TNC: variants seen among roughly 807,000 people sequenced by gnomAD.
The protein encoded by TNC is tenascin.
Under a neutral mutation model 202.4 loss-of-function variants are expected in TNC, and 109 were observed. The observed-to-expected ratio is 0.54, with a 90% CI of 0.46 to 0.63. The LOEUF (loss-of-function observed/expected upper bound fraction) is 0.63, where lower values mean the gene tolerates loss of function less well. Among genes scored for constraint, TNC ranks in the 30% least tolerant of loss-of-function variants. The probability of loss-of-function intolerance (pLI) is 0.00; values close to 1 mark genes in which losing one functional copy is unlikely to be tolerated. For missense variants in TNC, 2,756 were observed against 2,833.3 expected (o/e 0.97, Z 0.62); for synonymous variants, 1,007 against 1,089.7 (o/e 0.92, Z 1.50).
chr9:115,062,413 G>A (rs1057301190), intron 13 of TNC, among the ~76,000 whole-genome samples: 3 of 151,892 alleles, frequency 2.0e-5, no homozygotes, highest in African/African-American at 7.3e-5. Flanking sequence ...TTGAGACCAG[G>A]CTGGGCAAAA....
chr9:115,052,741 TG>T (rs2132307386), intron 15 of TNC: 1 of 701,760 alleles, frequency 1.4e-6, no homozygotes, highest in Non-Finnish European at 2.6e-6. Context: ...ATTGAGTACC[TG>T]TAATGACAAA....
rs1005622329 is a variant in TNC at position 115,096,302 on chromosome 9, C to T, written c.-136-5148G>A. ...TCGAAGTGCTCTGTCCCATATTCCG[C>T]ATGTGATTATTAAAATTAATGAAAA... On this transcript the variant is annotated intron_variant, in intron 1 of 27. Transcript: ENST00000350763. Among the ~76,000 whole-genome samples the T allele has an allele frequency of 2.6e-5, 4 of 152,128 alleles. No homozygotes were observed. In the East Asian group the frequency reaches 7.7e-4, roughly 29 times the overall value.
At chr9:115,026,961 T>G (rs1478919584) in intron 25 of TNC, among the ~76,000 whole-genome samples, 2 of 151,544 alleles carry the variant, frequency 1.3e-5, no homozygotes, top group Non-Finnish European at 2.9e-5. Context: ...ATACAAAAAT[T>G]AGCTGGGTGT....
chr9:115,087,628 C>T (rs995055133), intron 2 of TNC, among the ~76,000 whole-genome samples: 2 of 150,098 alleles, frequency 1.3e-5, no homozygotes, highest in African/African-American at 4.9e-5. Context: ...CTTACTATTC[C>T]TATGATGATT....
chr9:115,065,377 T>C (rs982530367), intron 10 of TNC, among the ~76,000 whole-genome samples: 4 of 152,160 alleles, frequency 2.6e-5, no homozygotes, highest in Admixed American at 1.3e-4. Flanking sequence ...GTCTGGGGGA[T>C]AGAGTGAGAC....
rs758817254 is a variant in TNC at position 115,090,746 on chromosome 9, T to C, written c.273A>G (p.Thr91=). 4.3e-6 allele frequency: 7 copies of C among 1,614,110 alleles called. No homozygotes were observed. The African/African-American group carries it at 6.7e-5, about 15-fold the overall frequency. The change falls in exon 2 of 28, where the codon ACA becomes ACG. Residue 91 remains threonine (T), a synonymous_variant. Transcript: ENST00000350763. The part of the protein sequence containing the change: ...SEPSESFQEH[T]VDGENQIVFT... ...AGACAATCTGGTTTTCCCCATCCAC[T>C]GTGTGCTCCTGAAAGCTTTCGCTGG... is the stretch of plus-strand genomic sequence containing the variant.
intron 1 of TNC, among the ~76,000 whole-genome samples, chr9:115,099,451 CT>C (rs940120373): frequency 2.0e-5 from 3 of 152,208 alleles, no homozygotes; most frequent in Admixed American, 2.0e-4. Flanking sequence ...ACTGTTAGAT[CT>C]TTACTCTGCC....
rs757156161 is a variant in TNC, at chr9:115,063,801, A to G, written c.3755T>C (p.Leu1252Ser). ...AGTGAATTCGTCTAGAATACCTGTC[A>G]AGACTTCAACAGAGAGAGGGGTTGT... ...FSTTPLSVEV[L>S]TEEVPDMGNL... Residue 1252 changes from leucine to serine, a missense_variant, in exon 12 of 28, where the codon TTG (leucine) becomes TCG (serine). This residue lies in a region of TNC where 2,559 missense variants were observed against 2,546.0 expected (regional missense o/e 1.01). Transcript: ENST00000350763. 5.6e-6 allele frequency: 9 copies of G among 1,610,458 alleles called. No homozygotes were observed. The East Asian group carries it at 2.0e-4, about 36-fold the overall frequency.
Position 115,086,574 on chromosome 9 carries a change from C to T in TNC, c.1157G>A (p.Arg386His), listed in dbSNP as rs556909595. ...RCPADCHNRG[R>H]CVDGRCECDD... is the part of the protein sequence containing the mutation. Reference sequence around the variant, plus strand: ...ACACTCACACCGCCCGTCTACACAGCGGCCACGATTGTGACAGTCAGCAGG... The same window carrying T: ...ACACTCACACCGCCCGTCTACACAGTGGCCACGATTGTGACAGTCAGCAGG... The change falls in exon 3 of 28, where the codon CGC (arginine) becomes CAC (histidine). Residue 386 changes from arginine (R) to histidine (H), a missense_variant. By Grantham distance (29) the Arg-to-His change is conservative (BLOSUM62 0). This residue lies in a region of TNC where 2,559 missense variants were observed against 2,546.0 expected (regional missense o/e 1.01). Coordinates refer to ENST00000350763, the MANE Select transcript of TNC (RefSeq NM_002160.4). 1.1e-5 allele frequency: 17 copies of T among 1,614,120 alleles called. No homozygotes were observed. In the East Asian group the frequency reaches 1.6e-4, roughly 15 times the overall value.
intron 7 of TNC, among the ~76,000 whole-genome samples, chr9:115,076,911 T>C (rs746574253): frequency 6.6e-6 from 1 of 152,222 alleles, no homozygotes; most frequent in Non-Finnish European, 1.5e-5. Flanking sequence ...TTATTTTATT[T>C]TTTTGAGACA....
chr9:115,054,579 G>A (rs1291359216), intron 15 of TNC, among the ~76,000 whole-genome samples: 1 of 152,158 alleles, frequency 6.6e-6, no homozygotes, highest in African/African-American at 2.4e-5. Context: ...CTTGAGGTCA[G>A]CTTTACCTCC....
At position 115,064,820 on chromosome 9, in the gene TNC, A is replaced by G; in HGVS notation, c.3314T>C (p.Ile1105Thr). The G allele has an allele frequency of 6.2e-7, 1 of 1,614,144 alleles. No individual in the cohort carries two copies. Among genetic ancestry groups the G allele is most frequent in the African/African-American group, 1.3e-5 (1 of 75,034 alleles). Residue 1105 changes from isoleucine (I) to threonine (T), a missense_variant, in exon 11 of 28, where the codon ATC becomes ACC. By Grantham distance (89) the Ile-to-Thr change is moderately conservative. Around this residue, in one of 2 missense-constraint regions of TNC, gnomAD observed 2,559 missense variants for 2,546.0 expected, o/e 1.01. Coordinates refer to ENST00000350763, the MANE Select transcript of TNC (RefSeq NM_002160.4). ...CTTGTTGGCCTCCTGCACCTGAATG[A>G]TAAAGTGCTCATAGGCCTGGTCAGC... ...TAADQAYEHF[I>T]IQVQEANKVE...
chr9:115,070,563 A>G (rs1184013615), intron 10 of TNC, among the ~76,000 whole-genome samples: 1 of 152,194 alleles, frequency 6.6e-6, no homozygotes, highest in African/African-American at 2.4e-5. Context: ...TATTTTTAGT[A>G]TGGTGCCACA....
intron 10 of TNC, among the ~76,000 whole-genome samples, chr9:115,069,714 T>TCCTTCCTC (rs1564467453): frequency 7.8e-4 from 1 of 1,286 alleles, no homozygotes; most frequent in Admixed American, 6.7e-3. Flanking sequence ...CTCCCTTCCT[T>TCCTTCCTC]CCTTCCTTCC....
intron 20 of TNC, among the ~76,000 whole-genome samples, chr9:115,037,056 C>T (rs78906234): frequency 0.017 from 2,596 of 152,286 alleles, 123 homozygotes; most frequent in East Asian, 0.11. Flanking sequence ...TCTTTCCTGA[C>T]TCAGAAGAGT....
In TNC at chr9:115,046,459, T is replaced by C; in HGVS notation, c.5076A>G (p.Gly1692=). 1 of 1,614,184 alleles carries C rather than the reference T, an allele frequency of 6.2e-7. No homozygotes were observed. Among genetic ancestry groups the C allele is most frequent in the Non-Finnish European group, 8.5e-7 (1 of 1,179,998 alleles). Residue 1692 remains glycine, a synonymous_variant, in exon 17 of 28, where the codon GGA becomes GGG. Coordinates refer to ENST00000350763, the MANE Select transcript of TNC (RefSeq NM_002160.4). ...TCTGGGATCGCCTTCCTTTGCTTAT[T>C]CCATAGAGTTCAATTTCGTATTCAG... ...EATEYEIELY[G]ISKGRRSQTV...
intron 17 of TNC, among the ~76,000 whole-genome samples, chr9:115,044,366 C>T (rs1166505094): frequency 1.4e-5 from 2 of 148,086 alleles, no homozygotes; most frequent in Non-Finnish European, 3.0e-5. Context: ...TCTCCTGGTC[C>T]TGGAGCACAG....
chr9:115,113,166 GC>G (rs67646937), intron 1 of TNC, among the ~76,000 whole-genome samples: 60,763 of 151,684 alleles, frequency 0.4, 12,459 homozygotes, highest in Admixed American at 0.51. Context: ...AAAAAGACAA[GC>G]TTTTGTGTCT....
At chr9:115,029,283 G>A in intron 25 of TNC, 77 bp downstream of exon 25, 1 of 1,283,410 alleles carries the variant, frequency 7.8e-7, no homozygotes, top group Non-Finnish European at 1.1e-6. Flanking sequence ...CTCTCCCATA[G>A]GTCCCTGTGG....
Sources: allele counts gnomAD v4.1 joint callset (sites outside exome capture counted in the v4.1 genomes callset), GRCh38; gene constraint gnomAD v4.1.1; regional missense constraint gnomAD v4.1.1; transcripts MANE v1.5; gene names NCBI Gene and HGNC (gene_info 2026-07-23, HGNC 2026-07-21).